PPP1R3B: variants seen among roughly 807,000 people sequenced by gnomAD.
The protein encoded by PPP1R3B is PP1 subunit R4.
PPP1R3B carries 8 observed loss-of-function variants against 14.6 expected under a neutral mutation model. The ratio of observed to expected loss-of-function variants is 0.55; its 90% confidence interval spans 0.32 to 0.99. The LOEUF (loss-of-function observed/expected upper bound fraction) is 0.99, where lower values mean the gene tolerates loss of function less well. Among genes scored for constraint, PPP1R3B ranks in the 50% least tolerant of loss-of-function variants. The pLI is 0.04. For synonymous variants in PPP1R3B, 169 were observed against 142.0 expected (o/e 1.19, Z -1.35); for missense variants, 452 against 360.1 (o/e 1.26, Z -2.07).
rs1801043814 is a variant in PPP1R3B at position 9,140,657 on chromosome 8, G to A, written c.*137C>T. The stretch of plus-strand genomic sequence containing the variant: ...ATTTGCTGTTTAAGAAAGAAGTGAA[G>A]AGGATCCTTTTATTTTCCCAAACGG... On this transcript the variant is annotated 3_prime_UTR_variant, in exon 2 of 2. Transcript: ENST00000310455. 8 of 841,980 alleles carry A rather than the reference G, an allele frequency of 9.5e-6. No homozygotes were observed. The East Asian group carries it at 1.3e-4, about 14-fold the overall frequency. The allele number at this position is 841,980 out of a possible 1,614,324, so 52.2% of individuals were successfully genotyped here.
Position 9,141,408 on chromosome 8 carries a change from A to T in PPP1R3B, c.244T>A (p.Phe82Ile), listed in dbSNP as rs748152095. 70 of 1,614,196 alleles carry T rather than the reference A, an allele frequency of 4.3e-5. 2 individuals carry two copies. In the South Asian group the frequency reaches 7.7e-4, roughly 18 times the overall value. The change falls in exon 2 of 2, where the codon TTC (phenylalanine) becomes ATC (isoleucine). Residue 82 changes from phenylalanine (F) to isoleucine (I), a missense_variant. Coordinates refer to ENST00000310455, the MANE Select transcript of PPP1R3B (RefSeq NM_024607.4). ...ALTMVKVFSE[F>I]DDPLDMPFNI... ...AATGGCATATCTAGCGGGTCATCGA[A>T]TTCCGAGAACACTTTGACCATTGTC... is the stretch of plus-strand genomic sequence containing the variant.
chr8:9,144,341 C>T (rs1392364908), intron 1 of PPP1R3B, among the ~76,000 whole-genome samples: 1 of 151,428 alleles, frequency 6.6e-6, no homozygotes, highest in South Asian at 2.1e-4. Flanking sequence ...GCATGAGCCA[C>T]CATGTCCGGC....
rs942239787 is a variant in PPP1R3B at position 9,137,983 on chromosome 8, T to G, written c.*2811A>C. On this transcript the variant is annotated 3_prime_UTR_variant, in exon 2 of 2. Transcript: ENST00000310455. ...TTCAAATTTTGACATGGGAATGTCT[T>G]AAGATCATTATTAGATAAAATTAAA... 2.6e-5 allele frequency: 4 copies of G among 152,224 alleles called. No individual in the cohort carries two copies. Among genetic ancestry groups the G allele is most frequent in the African/African-American group, 4.8e-5 (2 of 41,460 alleles). 9.4% of individuals were successfully genotyped at this position (152,224 alleles called of 1,614,324 possible).
At position 9,140,776 on chromosome 8, in the gene PPP1R3B, C is replaced by T. The variant is rs1192527381; in HGVS notation, c.*18G>A. 1 of 1,611,138 alleles carries T rather than the reference C, an allele frequency of 6.2e-7. No individual in the cohort carries two copies. Among genetic ancestry groups the T allele is most frequent in the Admixed American group, 1.7e-5 (1 of 59,952 alleles). ...GCTTGTCTGTGGCAGCTCCGCCACG[C>T]CCTGTCACCTGCAGTCACTAGTAGT... On this transcript the variant is annotated 3_prime_UTR_variant, in exon 2 of 2. Coordinates refer to ENST00000310455, the MANE Select transcript of PPP1R3B (RefSeq NM_024607.4).
chr8:9,141,801 C>G, intron 1 of PPP1R3B, 133 bp from the exon 2 acceptor site: 1 of 828,172 alleles, frequency 1.2e-6, no homozygotes. Context: ...GGCTACAGGT[C>G]AGGATTAACT....
At chr8:9,146,264 A>G (rs1299630778) in intron 1 of PPP1R3B, among the ~76,000 whole-genome samples, 2 of 152,208 alleles carry the variant, frequency 1.3e-5, no homozygotes, top group African/African-American at 4.8e-5. Flanking sequence ...CACAGAACAC[A>G]GGATCTGGAT....
intron 1 of PPP1R3B, 110 bp from the exon 2 acceptor site, chr8:9,141,778 T>A: frequency 2.9e-6 from 3 of 1,022,670 alleles, no homozygotes; most frequent in Non-Finnish European, 4.1e-6. Flanking sequence ...TTTCCTTTTA[T>A]CTATGCCCAC....
chr8:9,141,975 G>C (rs1222121335), intron 1 of PPP1R3B, among the ~76,000 whole-genome samples: 1 of 152,126 alleles, frequency 6.6e-6, no homozygotes, highest in Non-Finnish European at 1.5e-5. Context: ...CATTTCTTGG[G>C]GCCTTCCGTT....
intron 1 of PPP1R3B, among the ~76,000 whole-genome samples, chr8:9,145,876 C>T (rs1026186495): frequency 6.6e-6 from 1 of 151,274 alleles, no homozygotes; most frequent in Non-Finnish European, 1.5e-5. Context: ...AAGCTGAGCA[C>T]TTTTTTTTTA....
At position 9,141,218 on chromosome 8, in the gene PPP1R3B, A is replaced by G. The variant is rs1288333092; in HGVS notation, c.434T>C (p.Ile145Thr). ...LENCVLKDKA[I>T]AGTVKVQNLA... ...GTTCTGAACCTTCACAGTGCCTGCAATGGCCTTGTCCTTGAGCACACAGTT... is the reference window on the plus strand; with the variant it reads ...GTTCTGAACCTTCACAGTGCCTGCAGTGGCCTTGTCCTTGAGCACACAGTT... Residue 145 changes from isoleucine to threonine, a missense_variant, in exon 2 of 2, where the codon ATT (isoleucine) becomes ACT (threonine). Ile to Thr is a moderately conservative substitution (Grantham distance 89, BLOSUM62 -1). Transcript: ENST00000310455. 1.9e-6 allele frequency: 3 copies of G among 1,614,044 alleles called. No homozygotes were observed. Among genetic ancestry groups the G allele is most frequent in the Admixed American group, 1.7e-5 (1 of 59,988 alleles).
intron 1 of PPP1R3B, among the ~76,000 whole-genome samples, chr8:9,144,984 G>T (rs939208142): frequency 6.6e-6 from 1 of 152,016 alleles, no homozygotes; most frequent in Non-Finnish European, 1.5e-5. Context: ...GACCTCAGGT[G>T]ATCCACCCGC....
At position 9,141,224 on chromosome 8, in the gene PPP1R3B, T is replaced by G; in HGVS notation, c.428A>C (p.Lys143Thr). ...AACCTTCACAGTGCCTGCAATGGCCTTGTCCTTGAGCACACAGTTCTCAAG... is the reference window on the plus strand; with the variant it reads ...AACCTTCACAGTGCCTGCAATGGCCGTGTCCTTGAGCACACAGTTCTCAAG... ...VCLENCVLKD[K>T]AIAGTVKVQN... is the part of the protein sequence containing the mutation. The change falls in exon 2 of 2, where the codon AAG (lysine) becomes ACG (threonine). Residue 143 changes from lysine to threonine, a missense_variant. Transcript: ENST00000310455. 1.2e-6 allele frequency: 2 copies of G among 1,614,204 alleles called. No homozygotes were observed. The highest frequency in any genetic ancestry group is 1.7e-6 in the Non-Finnish European group (2 of 1,180,032).
At position 9,137,746 on chromosome 8, in the gene PPP1R3B, T is replaced by G. The variant is rs150152338; in HGVS notation, c.*3048A>C. 1 of 152,102 alleles carries G rather than the reference T, an allele frequency of 6.6e-6. No individual in the cohort carries two copies. The highest frequency in any genetic ancestry group is 1.5e-5 in the Non-Finnish European group (1 of 68,082). The allele number at this position is 152,102 out of a possible 1,614,324, so 9.4% of individuals were successfully genotyped here. On this transcript the variant is annotated 3_prime_UTR_variant, in exon 2 of 2. Transcript: ENST00000310455. ...GCCCTGATGAGGAAACTCAGGCAAG[T>G]AGAGTCTTTTATTGGAGAAGAAGGG...
rs1437012277 is a variant in PPP1R3B at position 9,136,318 on chromosome 8, A to G, written c.*4476T>C. 6.6e-6 allele frequency: 1 copy of G among 152,226 alleles called. No homozygotes were observed. Among genetic ancestry groups the G allele is most frequent in the African/African-American group, 2.4e-5 (1 of 41,456 alleles). The allele number at this position is 152,226 out of a possible 1,614,324, so 9.4% of individuals were successfully genotyped here. On this transcript the variant is annotated 3_prime_UTR_variant, in exon 2 of 2. Coordinates refer to ENST00000310455, the MANE Select transcript of PPP1R3B (RefSeq NM_024607.4). ...GATACAAACCAACCTCTCATACCACACAAAGAACATCCATTCTTGGGATTT... is the reference window on the plus strand; with the variant it reads ...GATACAAACCAACCTCTCATACCACGCAAAGAACATCCATTCTTGGGATTT...
chr8:9,144,453 C>T (rs1801174075), intron 1 of PPP1R3B, among the ~76,000 whole-genome samples: 1 of 152,138 alleles, frequency 6.6e-6, no homozygotes, highest in Admixed American at 6.5e-5. Context: ...CTCAGCCTCC[C>T]AAAATGCTGG....
chr8:9,148,111 C>T (rs62494418), intron 1 of PPP1R3B, among the ~76,000 whole-genome samples: 54 of 152,306 alleles, frequency 3.5e-4, no homozygotes, highest in Admixed American at 6.5e-4. Flanking sequence ...TGTAGGCTTT[C>T]CTGAACTGCT....
At chr8:9,145,802 T>TA (rs564052569) in intron 1 of PPP1R3B, among the ~76,000 whole-genome samples, 243 of 152,208 alleles carry the variant, frequency 1.6e-3, no homozygotes, top group South Asian at 7.1e-3. Context: ...AAAATGAACC[T>TA]AAAAAAAATC....
chr8:9,142,932 C>T (rs1037122124), intron 1 of PPP1R3B, among the ~76,000 whole-genome samples: 4 of 152,134 alleles, frequency 2.6e-5, no homozygotes, highest in East Asian at 1.9e-4. Flanking sequence ...AGGTTGATTC[C>T]GTATCTTGGC....
chr8:9,141,061 G>A lies in PPP1R3B; in HGVS notation c.591C>T (p.Ser197=), dbSNP rs1282178458. 1 of 1,614,060 alleles carries A rather than the reference G, an allele frequency of 6.2e-7. No homozygotes were observed. Among genetic ancestry groups the A allele is most frequent in the Non-Finnish European group, 8.5e-7 (1 of 1,180,034 alleles). The change falls in exon 2 of 2, where the codon AGC becomes AGT. Residue 197 remains serine, a synonymous_variant. Coordinates refer to ENST00000310455, the MANE Select transcript of PPP1R3B (RefSeq NM_024607.4). ...CATAAGACTGAATCTTCTCGGGCAA[G>A]CTGATGTCGAAGGAGAACGTGTCCC... ...SDRDTFSFDI[S]LPEKIQSYER...
Sources: gnomAD v4.1 joint callset for allele counts (sites outside exome capture counted in the v4.1 genomes callset) on GRCh38, gnomAD v4.1.1 for gene constraint, MANE v1.5 for transcripts, NCBI Gene and HGNC (gene_info 2026-07-23, HGNC 2026-07-21) for gene names.